Variants in SNTG2 observed in about 807,000 individuals in gnomAD.
The protein encoded by SNTG2 is gamma-2-syntrophin.
A neutral mutation model predicts 70.9 loss-of-function variants in SNTG2; 74 were observed. That is an observed-to-expected ratio of 1.04 (90% CI 0.86 to 1.27). SNTG2 has a LOEUF of 1.27. Among genes scored for constraint, SNTG2 ranks in the 50% most tolerant of loss-of-function variants. The probability of loss-of-function intolerance (pLI) is 0.00; values close to 1 mark genes in which losing one functional copy is unlikely to be tolerated. For missense variants in SNTG2, 717 were observed against 690.7 expected (o/e 1.04, Z -0.43); for synonymous variants, 278 against 273.8 (o/e 1.02, Z -0.15).
chr2:1,155,124 T>C (rs1669784643), intron 6 of SNTG2, among the ~76,000 whole-genome samples: 2 of 132,014 alleles, frequency 1.5e-5, no homozygotes, highest in Admixed American at 7.5e-5. Context: ...CACATATACA[T>C]ACAACACAAA....
intron 4 of SNTG2, among the ~76,000 whole-genome samples, chr2:1,136,620 C>T (rs1156269482): frequency 1.3e-5 from 2 of 152,174 alleles, no homozygotes; most frequent in African/African-American, 4.8e-5. Flanking sequence ...TTGTCAAGAG[C>T]ATTCCCACTT....
intron 1 of SNTG2, among the ~76,000 whole-genome samples, chr2:957,669 C>T (rs1029537755): frequency 2.6e-5 from 4 of 151,948 alleles, no homozygotes; most frequent in African/African-American, 7.3e-5. Context: ...TAGATGAGGT[C>T]GGGCAACATT....
intron 11 of SNTG2, among the ~76,000 whole-genome samples, chr2:1,240,363 G>T (rs1182911200): frequency 6.6e-6 from 1 of 152,122 alleles, no homozygotes; most frequent in Non-Finnish European, 1.5e-5. Flanking sequence ...CCACGTCTAT[G>T]AGTACTTAGG....
intron 2 of SNTG2, among the ~76,000 whole-genome samples, chr2:1,095,442 T>G (rs1011983009): frequency 6.6e-6 from 1 of 152,250 alleles, no homozygotes; most frequent in African/African-American, 2.4e-5. Flanking sequence ...TTATTCTGGC[T>G]TAGCTAAAAT....
intron 9 of SNTG2, among the ~76,000 whole-genome samples, chr2:1,227,367 T>C (rs1053734709): frequency 6.6e-6 from 1 of 152,254 alleles, no homozygotes; most frequent in African/African-American, 2.4e-5. Flanking sequence ...ATGGCTGCTA[T>C]GCCGAGGCCA....
chr2:1,236,476 C>A (rs950563601), intron 9 of SNTG2, among the ~76,000 whole-genome samples: 2 of 152,248 alleles, frequency 1.3e-5, no homozygotes, highest in Admixed American at 6.5e-5. Flanking sequence ...CCTCTGGCTT[C>A]TTCCCCTCTC....
intron 1 of SNTG2, among the ~76,000 whole-genome samples, chr2:1,054,593 CAG>C (rs1198385436): frequency 6.6e-6 from 1 of 152,162 alleles, no homozygotes; most frequent in East Asian, 1.9e-4. Flanking sequence ...GTGAACCCCA[CAG>C]AGCCGCCTTG....
chr2:1,292,941 T>G lies in SNTG2; in HGVS notation c.1285-15553T>G, dbSNP rs181618463. Among the ~76,000 whole-genome samples the G allele has an allele frequency of 4.5e-3, 683 of 152,300 alleles. 7 individuals are homozygous for G. Among genetic ancestry groups the G allele is most frequent in the African/African-American group, 0.015 (641 of 41,572 alleles). ...ATTGGTGTTAATTCTTCTTTAAATG[T>G]TTGGTAGAATTCACCAGCGAAACTA... On this transcript the variant is annotated intron_variant, in intron 14 of 16. Coordinates refer to ENST00000308624, the MANE Select transcript of SNTG2 (RefSeq NM_018968.4).
intron 7 of SNTG2, among the ~76,000 whole-genome samples, chr2:1,166,241 CTCTT>C (rs959450186): frequency 1.3e-5 from 2 of 152,200 alleles, no homozygotes; most frequent in Non-Finnish European, 2.9e-5. Context: ...TCACTGCCCT[CTCTT>C]TGTGGGTAAT....
intron 7 of SNTG2, among the ~76,000 whole-genome samples, chr2:1,168,819 A>G (rs72766764): frequency 0.049 from 7,500 of 152,260 alleles, 295 homozygotes; most frequent in East Asian, 0.21. Flanking sequence ...GTTCTTGAGG[A>G]AAAAGAGTAA....
At chr2:1,014,389 A>G (rs55920328) in intron 1 of SNTG2, among the ~76,000 whole-genome samples, 48 of 51,712 alleles carry the variant, frequency 9.3e-4, no homozygotes, top group Middle Eastern at 0.015. Flanking sequence ...GTGGTCTGGA[A>G]AGTGATTTAC....
chr2:1,009,230 A>G (rs1256007827), intron 1 of SNTG2, among the ~76,000 whole-genome samples: 1 of 119,686 alleles, frequency 8.4e-6, no homozygotes, highest in Non-Finnish European at 1.8e-5. Flanking sequence ...TGTCCCCAGG[A>G]AGACATGCTG....
At chr2:1,099,220 T>A (rs1286129607) in intron 4 of SNTG2, among the ~76,000 whole-genome samples, 1 of 152,024 alleles carries the variant, frequency 6.6e-6, no homozygotes, top group Non-Finnish European at 1.5e-5. Context: ...CACCTGGACA[T>A]GCGGTCCGTG....
Position 1,219,493 on chromosome 2 carries a change from A to G in SNTG2, c.719+10263A>G, listed in dbSNP as rs530946910. Among the ~76,000 whole-genome samples the G allele has an allele frequency of 2.0e-5, 3 of 152,332 alleles. No homozygotes were observed. In the East Asian group the frequency reaches 5.8e-4, roughly 29 times the overall value. ...AACAGCTCCAGAATCTCTGTGCCAC[A>G]GAATTTCTGTGCATCACTTTGCAAC... On this transcript the variant is annotated intron_variant, in intron 9 of 16. Coordinates refer to ENST00000308624, the MANE Select transcript of SNTG2 (RefSeq NM_018968.4).
chr2:1,308,614 G>A (rs755143322), intron 15 of SNTG2, 28 bp downstream of exon 15: 103 of 1,520,610 alleles, frequency 6.8e-5, no homozygotes, highest in African/African-American at 9.7e-5. Context: ...CATCCATGCC[G>A]CCCCATTGCC....
At chr2:1,079,780 G>A (rs1052293626) in intron 1 of SNTG2, among the ~76,000 whole-genome samples, 1 of 152,150 alleles carries the variant, frequency 6.6e-6, no homozygotes, top group African/African-American at 2.4e-5. Flanking sequence ...AGTGGTCAGC[G>A]TGATGAATTA....
At chr2:1,347,021 G>T (rs1660325355) in intron 16 of SNTG2, among the ~76,000 whole-genome samples, 1 of 152,046 alleles carries the variant, frequency 6.6e-6, no homozygotes, top group Non-Finnish European at 1.5e-5. Flanking sequence ...AAAAAAATCT[G>T]TTCAAGGGGA....
chr2:968,950 T>G (rs1660653089), intron 1 of SNTG2, among the ~76,000 whole-genome samples: 1 of 152,210 alleles, frequency 6.6e-6, no homozygotes. Context: ...TGCCACTCCC[T>G]ATGTCCAGAG....
At chr2:1,322,058 G>A (rs1162911326) in intron 16 of SNTG2, among the ~76,000 whole-genome samples, 1 of 152,050 alleles carries the variant, frequency 6.6e-6, no homozygotes, top group Non-Finnish European at 1.5e-5. Context: ...CTACTTTTAG[G>A]ATGTTTGAAC....
Sources: gnomAD v4.1 joint callset for allele counts (sites outside exome capture counted in the v4.1 genomes callset) on GRCh38, gnomAD v4.1.1 for gene constraint, MANE v1.5 for transcripts, NCBI Gene and HGNC (gene_info 2026-07-23, HGNC 2026-07-21) for gene names.